Variants in PCDHGA9 observed in about 807,000 individuals in gnomAD.
PCDHGA9 encodes protocadherin gamma subfamily A, 9, also known as protocadherin gamma-A9.
Under a neutral mutation model 62.5 loss-of-function variants are expected in PCDHGA9, and 37 were observed. The ratio of observed to expected loss-of-function variants is 0.59; its 90% CI spans 0.46 to 0.78. The LOEUF is 0.78. Among genes scored for constraint, PCDHGA9 ranks in the 30% least tolerant of loss-of-function variants. The probability of loss-of-function intolerance (pLI) is 0.00; values close to 1 mark genes in which losing one functional copy is unlikely to be tolerated. For missense variants in PCDHGA9, 1,138 were observed against 1,166.2 expected (o/e 0.98, Z 0.35); for synonymous variants, 459 against 484.6 (o/e 0.95, Z 0.69).
chr5:141,428,856 G>A (rs1195849417), intron 1 of PCDHGA9: 4 of 143,808 alleles, frequency 2.8e-5, no homozygotes, highest in Admixed American at 1.4e-4. Flanking sequence ...ATTTTTACGG[G>A]AGACTTTTTT....
chr5:141,423,874 A>G (rs1264795133), intron 1 of PCDHGA9: 2 of 1,283,268 alleles, frequency 1.6e-6, no homozygotes, highest in East Asian at 3.1e-5. Context: ...GTCATTTTTC[A>G]ATCTTGGCAT....
At position 141,485,129 on chromosome 5, in the gene PCDHGA9, T is replaced by G. The variant is rs761201450; in HGVS notation, c.2425-9678T>G. 2.1e-6 allele frequency: 3 copies of G among 1,462,964 alleles called. No individual in the cohort carries two copies. Among genetic ancestry groups the G allele is most frequent in the Non-Finnish European group, 2.8e-6 (3 of 1,053,766 alleles). 90.6% of individuals were successfully genotyped at this position (1,462,964 alleles called of 1,614,324 possible). A position where few individuals can be genotyped will look rare whatever the true frequency, so the allele number is the denominator to read the frequency against. On this transcript the variant is annotated intron_variant, in intron 1 of 3. Coordinates refer to ENST00000573521, the MANE Select transcript of PCDHGA9 (RefSeq NM_018921.3). The surrounding 1 kb of genome is among the most constrained non-coding windows in gnomAD (Gnocchi z 5.7). ...TGTGGCTGTTTGGGGCGGGTCGGCT[T>G]CATCCGCGTCTCAGGAGCAAGTAGA...
intron 3 of PCDHGA9, among the ~76,000 whole-genome samples, chr5:141,508,772 C>T (rs1015277795): frequency 5.3e-5 from 8 of 152,070 alleles, no homozygotes; most frequent in African/African-American, 1.2e-4. Flanking sequence ...TGAGGTCCCC[C>T]CTCTAGCCCC....
At chr5:141,416,004 A>G (rs1225801773) in intron 1 of PCDHGA9, 2 of 254,264 alleles carry the variant, frequency 7.9e-6, no homozygotes, top group Non-Finnish European at 1.4e-5. Flanking sequence ...CAGGTCTGGT[A>G]AGAATAGGTA....
intron 1 of PCDHGA9, among the ~76,000 whole-genome samples, chr5:141,429,564 C>A (rs995466828): frequency 2.0e-5 from 3 of 152,092 alleles, no homozygotes; most frequent in African/African-American, 7.2e-5. Flanking sequence ...TGATAATATT[C>A]AGTTACATTT....
chr5:141,477,224 G>C lies in PCDHGA9; in HGVS notation c.2425-17583G>C. 6.2e-7 allele frequency: 1 copy of C among 1,614,200 alleles called. No individual in the cohort carries two copies. The highest frequency in any genetic ancestry group is 8.5e-7 in the Non-Finnish European group (1 of 1,180,046). Reference sequence around the variant, plus strand: ...ACCCGAGGATGCCCCTCTGGGGACTGTCATCGCTTTGCTCAGTGTGACTGA... The same window carrying C: ...ACCCGAGGATGCCCCTCTGGGGACTCTCATCGCTTTGCTCAGTGTGACTGA... On this transcript the variant is annotated intron_variant, in intron 1 of 3. Transcript: ENST00000573521. The surrounding 1 kb of genome is among the most constrained non-coding windows in gnomAD (Gnocchi z 4.9).
At chr5:141,504,206 A>G (rs1209911822) in intron 2 of PCDHGA9, among the ~76,000 whole-genome samples, 1 of 152,218 alleles carries the variant, frequency 6.6e-6, no homozygotes, top group African/African-American at 2.4e-5. Flanking sequence ...CTGTGGGAAA[A>G]TTCCAAGTAG....
chr5:141,410,645 A>G (rs755117096), intron 1 of PCDHGA9: 11 of 1,597,402 alleles, frequency 6.9e-6, no homozygotes, highest in Non-Finnish European at 9.3e-6. Flanking sequence ...TTTGTGTGTG[A>G]TTTATCTAAT....
At chr5:141,408,301 C>G in intron 1 of PCDHGA9, 1 of 1,613,756 alleles carries the variant, frequency 6.2e-7, no homozygotes, top group Non-Finnish European at 8.5e-7. Context: ...GTGAGCCGAT[C>G]CGCTACTCGA....
At position 141,431,738 on chromosome 5, in the gene PCDHGA9, TA is replaced by T; in HGVS notation, c.2424+26363del. ...AGTGCAAGCAATGGATAATGCAGGA[TA>T]TTCTGCGCGAGCCAAAGTCCTGATC... On this transcript the variant is annotated intron_variant, in intron 1 of 3. Coordinates refer to ENST00000573521, the MANE Select transcript of PCDHGA9 (RefSeq NM_018921.3). The surrounding 1 kb of genome is among the most constrained non-coding windows in gnomAD (Gnocchi z 4.8). The T allele has an allele frequency of 6.2e-7, 1 of 1,614,234 alleles. No individual in the cohort carries two copies. Among genetic ancestry groups the T allele is most frequent in the South Asian group, 1.1e-5 (1 of 91,092 alleles).
intron 1 of PCDHGA9, chr5:141,492,046 A>C: frequency 6.1e-6 from 3 of 494,434 alleles, no homozygotes; most frequent in South Asian, 8.1e-5. Flanking sequence ...TCACAGATCC[A>C]CCCCTGCAGC....
Position 141,415,739 on chromosome 5 carries a change from GGTTTT to G in PCDHGA9, c.2424+10364_2424+10368del, listed in dbSNP as rs2095909931. ...ATGAGTAGAATTTGATGTTTATTAA[GGTTTT>G]TTTTTTTTTTTTTTTTTTTTTTTTT... On this transcript the variant is annotated intron_variant, in intron 1 of 3. Transcript: ENST00000573521. 124 of 435,052 alleles carry G rather than the reference GGTTTT, an allele frequency of 2.9e-4. No homozygotes were observed. The African/African-American group carries it at 3.6e-3, about 13-fold the overall frequency. 26.9% of individuals were successfully genotyped at this position (435,052 alleles called of 1,614,324 possible).
chr5:141,420,422 A>C, intron 1 of PCDHGA9: 1 of 1,196,438 alleles, frequency 8.4e-7, no homozygotes, highest in Non-Finnish European at 1.1e-6. Context: ...TATTAAAACA[A>C]AAGTTTAAAT....
chr5:141,412,992 G>A (rs1367027301), intron 1 of PCDHGA9: 1 of 568,350 alleles, frequency 1.8e-6, no homozygotes, highest in Non-Finnish European at 3.0e-6. Flanking sequence ...AGCTCAATCC[G>A]GATTCTCAGG....
chr5:141,425,835 T>C (rs536839515), intron 1 of PCDHGA9, among the ~76,000 whole-genome samples: 1 of 152,256 alleles, frequency 6.6e-6, no homozygotes, highest in Admixed American at 6.5e-5. Flanking sequence ...TTTTAAATTC[T>C]CTTTGCTGGG....
chr5:141,403,656 C>G lies in PCDHGA9; in HGVS notation c.704C>G (p.Thr235Arg). 6.2e-7 allele frequency: 1 copy of G among 1,613,894 alleles called. No homozygotes were observed. ...TVRIHVTVLD[T>R]NDNAPVFAQR... ...CGCATCCATGTGACAGTGTTGGATA[C>G]AAATGATAATGCCCCGGTTTTTGCT... Residue 235 changes from threonine (T) to arginine (R), a missense_variant, in exon 1 of 4, where the codon ACA becomes AGA. Coordinates refer to ENST00000573521, the MANE Select transcript of PCDHGA9 (RefSeq NM_018921.3).
rs1554123924 is a variant in PCDHGA9, at chr5:141,431,826, T to C, written c.2424+26450T>C. 1 of 1,614,220 alleles carries C rather than the reference T, an allele frequency of 6.2e-7. No homozygotes were observed. The highest frequency in any genetic ancestry group is 8.5e-7 in the Non-Finnish European group (1 of 1,180,050). The stretch of plus-strand genomic sequence containing the variant: ...GTCCTCACCTCTCTCGCCAGCTCGG[T>C]TCCCGAAAACTCTCCCAGAGGGACA... On this transcript the variant is annotated intron_variant, in intron 1 of 3. Coordinates refer to ENST00000573521, the MANE Select transcript of PCDHGA9 (RefSeq NM_018921.3). This position sits in a 1 kb window ranked among gnomAD's most constrained non-coding sequence, Gnocchi z 4.8.
chr5:141,479,710 T>C (rs901198074), intron 1 of PCDHGA9: 1 of 152,264 alleles, frequency 6.6e-6, no homozygotes, highest in African/African-American at 2.4e-5. Flanking sequence ...GTCCCTGTCC[T>C]TCCAGCCTTA....
rs150878327 is a variant in PCDHGA9 at position 141,438,347 on chromosome 5, C to A, written c.2424+32971C>A. On this transcript the variant is annotated intron_variant, in intron 1 of 3. Coordinates refer to ENST00000573521, the MANE Select transcript of PCDHGA9 (RefSeq NM_018921.3). ...CTTATACATGTCATATAAGGATCTACTCTGTGTATTGTCATTGAGGGCAGA... is the reference window on the plus strand; with the variant it reads ...CTTATACATGTCATATAAGGATCTAATCTGTGTATTGTCATTGAGGGCAGA... Among the ~76,000 whole-genome samples the A allele has an allele frequency of 3.9e-3, 588 of 151,848 alleles. 6 individuals are homozygous for A. Among genetic ancestry groups the A allele is most frequent in the Admixed American group, 0.011 (169 of 15,256 alleles).
Sources: allele counts gnomAD v4.1 joint callset (sites outside exome capture counted in the v4.1 genomes callset), GRCh38; gene constraint gnomAD v4.1.1; non-coding constraint Gnocchi (gnomAD v3.1); transcripts MANE v1.5; gene names NCBI Gene and HGNC (gene_info 2026-07-23, HGNC 2026-07-21).